Variants in CSNK1G3 observed in about 807,000 individuals in gnomAD.
The protein encoded by CSNK1G3 is casein kinase 1 gamma 3.
Under a neutral mutation model 64.3 loss-of-function variants are expected in CSNK1G3, and 23 were observed. That is an observed-to-expected ratio of 0.36 (90% CI 0.26 to 0.51). The LOEUF (loss-of-function observed/expected upper bound fraction) is 0.51, where lower values mean the gene tolerates loss of function less well. Among genes scored for constraint, CSNK1G3 ranks in the 20% least tolerant of loss-of-function variants. CSNK1G3 has a pLI of 0.96. For synonymous variants in CSNK1G3, 158 were observed against 162.2 expected, an observed-to-expected ratio of 0.97 and a Z score of 0.20; for missense variants, 357 against 510.5, an observed-to-expected ratio of 0.70 and a Z score of 2.90.
chr5:123,576,499 T>C (rs1020259492), intron 6 of CSNK1G3, among the ~76,000 whole-genome samples: 2 of 152,132 alleles, frequency 1.3e-5, no homozygotes, highest in African/African-American at 2.4e-5. Context: ...TAAAACAATA[T>C]CAACTTCACA....
intron 12 of CSNK1G3, among the ~76,000 whole-genome samples, chr5:123,611,557 C>G (rs1367607101): frequency 3.3e-5 from 5 of 152,146 alleles, no homozygotes; most frequent in Non-Finnish European, 7.4e-5. Context: ...ACTCTCAGTA[C>G]TGGAAATACA....
chr5:123,616,976 T>G (rs983601821), exon 13 of CSNK1G3: 1 of 152,148 alleles, frequency 6.6e-6, no homozygotes, highest in Non-Finnish European at 1.5e-5. Flanking sequence ...TAAGCTTTCT[T>G]TAATATAAAA....
intron 1 of CSNK1G3, among the ~76,000 whole-genome samples, chr5:123,540,158 G>T (rs1213644840): frequency 6.6e-6 from 1 of 151,746 alleles, no homozygotes; most frequent in Non-Finnish European, 1.5e-5. Context: ...GGAAATTATT[G>T]ACACTTTCTT....
intron 1 of CSNK1G3, among the ~76,000 whole-genome samples, chr5:123,522,726 CT>C (rs776594126): frequency 1.3e-5 from 2 of 151,604 alleles, no homozygotes; most frequent in Non-Finnish European, 2.9e-5. Flanking sequence ...AGTACAGATG[CT>C]TTTTTTTCCC....
At chr5:123,558,554 C>G (rs1193165839) in intron 4 of CSNK1G3, among the ~76,000 whole-genome samples, 1 of 152,126 alleles carries the variant, frequency 6.6e-6, no homozygotes, top group African/African-American at 2.4e-5. Flanking sequence ...GTAGAGCTGT[C>G]CATTTCATAC....
chr5:123,567,614 AT>A (rs543558790), intron 4 of CSNK1G3, among the ~76,000 whole-genome samples: 25 of 152,342 alleles, frequency 1.6e-4, no homozygotes, highest in African/African-American at 5.8e-4. Context: ...TTAAAAAAAA[AT>A]ATTTTAAAAG....
intron 1 of CSNK1G3, among the ~76,000 whole-genome samples, chr5:123,515,110 C>A (rs918853034): frequency 7.2e-5 from 11 of 152,098 alleles, no homozygotes; most frequent in Middle Eastern, 3.4e-3. Context: ...GTCTGGTAAT[C>A]TAGTAATTGG....
chr5:123,607,005 G>A (rs887865612), intron 12 of CSNK1G3, among the ~76,000 whole-genome samples: 2 of 152,182 alleles, frequency 1.3e-5, no homozygotes, highest in Non-Finnish European at 2.9e-5. Context: ...GAGAATACTT[G>A]ATGGAGGTGG....
exon 13 of CSNK1G3, chr5:123,616,083 C>A (rs1357106380): frequency 6.6e-6 from 1 of 151,892 alleles, no homozygotes; most frequent in Non-Finnish European, 1.5e-5. Context: ...TATGAATGAT[C>A]TTTTTTTTAT....
At chr5:123,583,734 C>A (rs1305123672) in intron 6 of CSNK1G3, among the ~76,000 whole-genome samples, 1 of 151,976 alleles carries the variant, frequency 6.6e-6, no homozygotes, top group African/African-American at 2.4e-5. Flanking sequence ...GGCTGGAATG[C>A]AGTGGTGCAA....
At chr5:123,551,914 C>T (rs942284823) in intron 2 of CSNK1G3, among the ~76,000 whole-genome samples, 3 of 152,076 alleles carry the variant, frequency 2.0e-5, no homozygotes, top group Admixed American at 6.5e-5. Flanking sequence ...TTTTAGTGTA[C>T]TTATACATTA....
Position 123,595,035 on chromosome 5 carries a change from G to A in CSNK1G3, c.1086+3621G>A, listed in dbSNP as rs200411882. The A allele has an allele frequency of 1.3e-4, 212 of 1,612,952 alleles. 4 individuals carry two copies. In the East Asian group the frequency reaches 4.3e-3, roughly 33 times the overall value. On this transcript the variant is annotated intron_variant, in intron 10 of 12. Coordinates refer to ENST00000345990, the Ensembl canonical transcript of CSNK1G3. The stretch of plus-strand genomic sequence containing the variant: ...GCATGCCATATGCATTAAATAAATG[G>A]CAGTCGGCAGACCACAGGGCAGCTT...
intron 4 of CSNK1G3, among the ~76,000 whole-genome samples, chr5:123,567,660 A>G (rs889492033): frequency 6.6e-6 from 1 of 152,186 alleles, no homozygotes; most frequent in Non-Finnish European, 1.5e-5. Flanking sequence ...AATTTTAATC[A>G]GCAGTATTAT....
At position 123,558,041 on chromosome 5, in the gene CSNK1G3, C is replaced by G. The variant is rs183874184; in HGVS notation, c.289+477C>G. ...GGGGGCAGAGGGACATTTACACACA[C>G]AGAAAAGGAGTAGGCATTGTGACTG... is the stretch of plus-strand genomic sequence containing the variant. On this transcript the variant is annotated intron_variant, in intron 4 of 12. Coordinates refer to ENST00000345990, the Ensembl canonical transcript of CSNK1G3. Among the ~76,000 whole-genome samples the G allele has an allele frequency of 3.0e-3, 450 of 152,248 alleles. 3 individuals are homozygous for G. The highest frequency in any genetic ancestry group is 0.01 in the African/African-American group (418 of 41,554).
chr5:123,579,280 G>A (rs1362320511), intron 6 of CSNK1G3, among the ~76,000 whole-genome samples: 1 of 116,068 alleles, frequency 8.6e-6, no homozygotes, highest in Non-Finnish European at 1.7e-5. Flanking sequence ...CCTGAAAAAT[G>A]TAAATTTGCT....
At chr5:123,515,619 A>G (rs754224269) in intron 1 of CSNK1G3, among the ~76,000 whole-genome samples, 2 of 152,156 alleles carry the variant, frequency 1.3e-5, no homozygotes, top group Non-Finnish European at 2.9e-5. Context: ...GTAACCCCAC[A>G]CTTAATCATT....
In CSNK1G3 at chr5:123,575,721, A is replaced by C. The variant is rs1216763885; in HGVS notation, c.439-8A>C. 3.8e-6 allele frequency: 6 copies of C among 1,591,426 alleles called. No individual in the cohort carries two copies. Among genetic ancestry groups the C allele is most frequent in the Non-Finnish European group, 4.3e-6 (5 of 1,163,374 alleles). On this transcript the variant is annotated splice_region_variant and splice_polypyrimidine_tract_variant and intron_variant, in intron 5 of 12. Coordinates refer to ENST00000345990, the Ensembl canonical transcript of CSNK1G3. ...ATAAAACTTCTCTTCTTTTTTTCTT[A>C]AACCAAGATTTCTCGCATGGAATAT...
intron 1 of CSNK1G3, among the ~76,000 whole-genome samples, chr5:123,516,690 T>G (rs1174172226): frequency 6.6e-6 from 1 of 152,198 alleles, no homozygotes; most frequent in Non-Finnish European, 1.5e-5. Context: ...ATATATTACA[T>G]AGTTGTAATT....
At chr5:123,541,753 T>C (rs1031056857) in intron 1 of CSNK1G3, among the ~76,000 whole-genome samples, 3 of 152,192 alleles carry the variant, frequency 2.0e-5, no homozygotes, top group African/African-American at 7.2e-5. Context: ...TAGTTTCTTG[T>C]AAACAGTTTG....
Sources: allele counts gnomAD v4.1 joint callset (sites outside exome capture counted in the v4.1 genomes callset), GRCh38; gene constraint gnomAD v4.1.1; transcripts MANE v1.5; gene names NCBI Gene and HGNC (gene_info 2026-07-23, HGNC 2026-07-21).